DCBLD1: variants seen among roughly 807,000 people sequenced by gnomAD.
The protein encoded by DCBLD1 is discoidin, CUB and LCCL domain-containing protein 1.
Under a neutral mutation model 71.5 loss-of-function variants are expected in DCBLD1, and 57 were observed. That is an observed-to-expected ratio of 0.80 (90% confidence interval 0.64 to 0.99). The LOEUF (loss-of-function observed/expected upper bound fraction) is 0.99. Among genes scored for constraint, DCBLD1 ranks in the 50% least tolerant of loss-of-function variants. The pLI is 0.00. For missense variants in DCBLD1, 891 were observed against 923.5 expected (o/e 0.96, Z 0.46); for synonymous variants, 380 against 363.8 (o/e 1.04, Z -0.51).
downstream of DCBLD1, among the ~76,000 whole-genome samples, chr6:117,551,757 A>G (rs1377054936): frequency 1.3e-5 from 2 of 152,194 alleles, no homozygotes; most frequent in Non-Finnish European, 2.9e-5. Flanking sequence ...AGGAATTCAT[A>G]ATAGACAGGT....
intron 7 of DCBLD1, among the ~76,000 whole-genome samples, chr6:117,537,526 T>C (rs1562457121): frequency 1.4e-5 from 2 of 142,702 alleles, no homozygotes; most frequent in Admixed American, 7.1e-5. Flanking sequence ...AGAGCGAGAC[T>C]CCATCTCAAA....
intron 11 of DCBLD1, 110 bp from the exon 12 acceptor site, chr6:117,543,014 C>T: frequency 2.4e-6 from 2 of 843,756 alleles, no homozygotes; most frequent in South Asian, 1.6e-5. Context: ...ATTCATTTTC[C>T]CCCTATATTA....
rs554418236 is a variant in DCBLD1, at chr6:117,489,622, T to C, written c.112+6729T>C. On this transcript the variant is annotated intron_variant, in intron 1 of 14. Transcript: ENST00000338728. ...AAAAGAGGCCGGGCGCCGTGGCTCATGCCTGTAATCCCAGCACTTTGGGAG... is the reference window on the plus strand; with the variant it reads ...AAAAGAGGCCGGGCGCCGTGGCTCACGCCTGTAATCCCAGCACTTTGGGAG... 1.4e-3 allele frequency among the ~76,000 whole-genome samples: 218 copies of C among 152,302 alleles called. 1 individual carries two copies. Among genetic ancestry groups the C allele is most frequent in the African/African-American group, 4.3e-3 (178 of 41,570 alleles).
chr6:117,519,677 A>T, intron 2 of DCBLD1, 139 bp from the exon 3 acceptor site: 2 of 1,158,660 alleles, frequency 1.7e-6, no homozygotes, highest in African/African-American at 1.5e-5. Flanking sequence ...GCGTCAAGCT[A>T]AATTTCAGTT....
intron 14 of DCBLD1, chr6:117,566,807 TTAA>T: frequency 1.6e-6 from 2 of 1,244,972 alleles, no homozygotes; most frequent in Non-Finnish European, 2.2e-6. Flanking sequence ...TTTTAAACAT[TTAA>T]TAATAATGAA....
intron 12 of DCBLD1, among the ~76,000 whole-genome samples, chr6:117,543,455 C>T (rs1006572352): frequency 1.3e-5 from 2 of 152,124 alleles, no homozygotes; most frequent in African/African-American, 4.8e-5. Flanking sequence ...GGTGAGATTG[C>T]TCAAACTCCT....
At chr6:117,486,694 G>C (rs1415917230) in intron 1 of DCBLD1, among the ~76,000 whole-genome samples, 1 of 152,166 alleles carries the variant, frequency 6.6e-6, no homozygotes, top group Non-Finnish European at 1.5e-5. Flanking sequence ...TGTCCTCTCA[G>C]GGAGAACTTT....
intron 1 of DCBLD1, among the ~76,000 whole-genome samples, chr6:117,490,981 C>CA (rs1489635843): frequency 2.4e-4 from 36 of 152,000 alleles, no homozygotes; most frequent in Admixed American, 2.1e-3. Flanking sequence ...TTATTTCTGA[C>CA]AAAAAACAAG....
chr6:117,490,110 C>CAT (rs960458289), intron 1 of DCBLD1, among the ~76,000 whole-genome samples: 5 of 151,994 alleles, frequency 3.3e-5, no homozygotes, highest in Non-Finnish European at 7.4e-5. Context: ...CACACACACA[C>CAT]ACACACACAC....
rs1490780070 is a variant in DCBLD1, at chr6:117,549,479, A to G, written c.*1040A>G. 10 of 985,344 alleles carry G rather than the reference A, an allele frequency of 1.0e-5. No individual in the cohort carries two copies. The highest frequency in any genetic ancestry group is 1.2e-5 in the Non-Finnish European group (10 of 829,924). The allele number at this position is 985,344 out of a possible 1,614,324, so 61.0% of individuals were successfully genotyped here. A position where few individuals can be genotyped will look rare whatever the true frequency, so the allele number is the denominator to read the frequency against. ...CCAGAACAGTCCAGACATCAGCTGT[A>G]CCTCATGCTCAGTAGTTTTTATTTG... On this transcript the variant is annotated 3_prime_UTR_variant, in exon 15 of 15. Coordinates refer to ENST00000338728, the MANE Select transcript of DCBLD1 (RefSeq NM_001366458.2).
At chr6:117,556,549 T>C (rs1202926753) in intron 14 of DCBLD1, among the ~76,000 whole-genome samples, 1 of 152,258 alleles carries the variant, frequency 6.6e-6, no homozygotes, top group Non-Finnish European at 1.5e-5. Context: ...AGACATGATT[T>C]CATTCCTTTT....
chr6:117,518,118 AC>A (rs1196542136), intron 2 of DCBLD1, among the ~76,000 whole-genome samples: 3 of 152,136 alleles, frequency 2.0e-5, no homozygotes, highest in African/African-American at 7.2e-5. Context: ...TACCCAAGTT[AC>A]CTCGTGAATG....
chr6:117,512,158 GC>G (rs2114459345), intron 2 of DCBLD1, among the ~76,000 whole-genome samples: 1 of 152,190 alleles, frequency 6.6e-6, no homozygotes, highest in Non-Finnish European at 1.5e-5. Flanking sequence ...TTCAGTAATT[GC>G]CATCTTTCAT....
intron 2 of DCBLD1, among the ~76,000 whole-genome samples, chr6:117,505,047 G>A (rs1777793261): frequency 6.6e-6 from 1 of 152,156 alleles, no homozygotes; most frequent in Admixed American, 6.5e-5. Context: ...ATCTAAACTA[G>A]CTCCCATGGG....
At chr6:117,566,663 T>C (rs542188075) in intron 14 of DCBLD1, among the ~76,000 whole-genome samples, 19 of 152,246 alleles carry the variant, frequency 1.2e-4, no homozygotes, top group African/African-American at 4.3e-4. Flanking sequence ...CAGTCCAAGA[T>C]GAATATAGAA....
intron 1 of DCBLD1, among the ~76,000 whole-genome samples, chr6:117,500,589 G>A (rs1220975863): frequency 6.6e-6 from 1 of 152,194 alleles, no homozygotes; most frequent in African/African-American, 2.4e-5. Context: ...TACCCTGGCC[G>A]GGTGCGGTGG....
chr6:117,510,510 G>A (rs931404047), intron 2 of DCBLD1, among the ~76,000 whole-genome samples: 3 of 152,120 alleles, frequency 2.0e-5, no homozygotes, highest in East Asian at 1.9e-4. Context: ...CATCAGTTTC[G>A]GGTTGGGATA....
intron 11 of DCBLD1, among the ~76,000 whole-genome samples, chr6:117,542,654 C>T (rs1349529805): frequency 2.0e-5 from 3 of 152,130 alleles, no homozygotes; most frequent in Admixed American, 6.5e-5. Context: ...AGCTCTGTAA[C>T]GAGGATCCCA....
intron 2 of DCBLD1, among the ~76,000 whole-genome samples, chr6:117,517,913 C>T (rs1034410043): frequency 6.6e-6 from 1 of 152,216 alleles, no homozygotes; most frequent in Non-Finnish European, 1.5e-5. Flanking sequence ...TTGAAGACCT[C>T]TGACATGCCC....
Sources: allele counts gnomAD v4.1 joint callset (sites outside exome capture counted in the v4.1 genomes callset), GRCh38; gene constraint gnomAD v4.1.1; transcripts MANE v1.5; gene names NCBI Gene and HGNC (gene_info 2026-07-23, HGNC 2026-07-21).